Variants in BIN3 observed in about 807,000 individuals in gnomAD.
The protein encoded by BIN3 is bridging integrator 3.
BIN3 carries 41 observed loss-of-function variants against 38.2 expected under a neutral mutation model. The ratio of observed to expected loss-of-function variants is 1.07; its 90% CI spans 0.84 to 1.39. The LOEUF (loss-of-function observed/expected upper bound fraction) is 1.39, where lower values mean the gene tolerates loss of function less well. BIN3 is among the 40% of genes most tolerant of loss of function. The pLI is 0.00. For synonymous variants in BIN3, 145 were observed against 122.6 expected, an observed-to-expected ratio of 1.18 and a Z score of -1.21; for missense variants, 361 against 324.3, an observed-to-expected ratio of 1.11 and a Z score of -0.87.
Position 22,623,943 on chromosome 8 carries a change from G to C in BIN3, c.587C>G (p.Pro196Arg). The C allele has an allele frequency of 6.2e-7, 1 of 1,611,960 alleles. No homozygotes were observed. Among genetic ancestry groups the C allele is most frequent in the South Asian group, 1.1e-5 (1 of 90,814 alleles). ...AGCTCGGATGAGGGACTCAAAGCTG[G>C]GCTGGAAGTAGTCGAGGCGGCTGCC... ...FYGSRLDYFQPSFESLIRAQV... is the reference protein window; with the variant it reads ...FYGSRLDYFQRSFESLIRAQV... The change falls in exon 8 of 9, where the codon CCC (proline) becomes CGC (arginine). Residue 196 changes from proline to arginine, a missense_variant. Coordinates refer to ENST00000276416, the MANE Select transcript of BIN3 (RefSeq NM_018688.6).
Position 22,621,472 on chromosome 8 carries a change from C to CG in BIN3, c.711dup (p.Glu238ArgfsTer6). On this transcript the variant is annotated frameshift_variant, in exon 9 of 9. Transcript: ENST00000276416. LOFTEE classifies it high-confidence loss of function. ...GCCCGGAGCTCACTGAGTTTGGCCT[C>CG]GTTCTCCCGCTCCCGCTGCTCATCG... 1.2e-6 allele frequency: 2 copies of CG among 1,613,852 alleles called. No individual in the cohort carries two copies. The highest frequency in any genetic ancestry group is 1.7e-6 in the Non-Finnish European group (2 of 1,179,878).
chr8:22,636,501 T>C, intron 4 of BIN3, 24 bp downstream of exon 4: 1 of 1,551,088 alleles, frequency 6.4e-7, no homozygotes, highest in Middle Eastern at 1.7e-4. Flanking sequence ...CTCAAGCGAG[T>C]GGTGCGGGTG....
intron 4 of BIN3, 150 bp downstream of exon 4, chr8:22,636,375 A>C: frequency 1.3e-6 from 1 of 742,758 alleles, no homozygotes; most frequent in Non-Finnish European, 2.2e-6. Flanking sequence ...GTGACTGGTG[A>C]GGAGTGACTG....
At chr8:22,641,973 C>T (rs1054006612) in intron 2 of BIN3, among the ~76,000 whole-genome samples, 2 of 152,100 alleles carry the variant, frequency 1.3e-5, no homozygotes, top group African/African-American at 4.8e-5. Context: ...GCTTTTGTTC[C>T]TCCATCTCAG....
chr8:22,630,335 A>G, intron 5 of BIN3, 107 bp downstream of exon 5: 2 of 1,462,926 alleles, frequency 1.4e-6, no homozygotes, highest in South Asian at 1.3e-5. Context: ...GAGGGCTTAG[A>G]GCCCTGAGAG....
intron 2 of BIN3, 131 bp downstream of exon 2, chr8:22,644,624 G>C (rs952903442): frequency 1.2e-6 from 1 of 813,948 alleles, no homozygotes; most frequent in East Asian, 2.8e-5. Context: ...TTCTAGATCC[G>C]CATAAGCAGG....
chr8:22,649,258 T>C (rs1253803088), intron 1 of BIN3, among the ~76,000 whole-genome samples: 1 of 152,190 alleles, frequency 6.6e-6, no homozygotes, highest in Non-Finnish European at 1.5e-5. Context: ...CCCACCTATA[T>C]GGAATGCTTT....
intron 1 of BIN3, among the ~76,000 whole-genome samples, chr8:22,649,358 G>C (rs1261739575): frequency 7.1e-6 from 1 of 140,312 alleles, no homozygotes; most frequent in African/African-American, 2.5e-5. Context: ...GTTAATTACA[G>C]TTTATCTCCT....
At chr8:22,644,969 G>T in intron 1 of BIN3, 166 bp from the exon 2 acceptor site, 1 of 604,620 alleles carries the variant, frequency 1.7e-6, no homozygotes, top group South Asian at 1.8e-5. Flanking sequence ...TTGGCATCTG[G>T]GCTTGGTTCT....
At chr8:22,626,806 T>C (rs1050479641) in intron 6 of BIN3, among the ~76,000 whole-genome samples, 1 of 152,202 alleles carries the variant, frequency 6.6e-6, no homozygotes, top group Non-Finnish European at 1.5e-5. Context: ...TCCAGCAGCC[T>C]GACCCCCCAA....
At chr8:22,659,210 C>T (rs1421729015) in intron 1 of BIN3, among the ~76,000 whole-genome samples, 2 of 152,244 alleles carry the variant, frequency 1.3e-5, no homozygotes, top group Admixed American at 6.5e-5. Flanking sequence ...GCGGAGACCC[C>T]AGGAAAGAGG....
At chr8:22,637,670 C>T (rs886704516) in intron 2 of BIN3, among the ~76,000 whole-genome samples, 1 of 152,188 alleles carries the variant, frequency 6.6e-6, no homozygotes, top group Non-Finnish European at 1.5e-5. Context: ...TCTTCTGGTG[C>T]CTTGACTTCA....
chr8:22,644,723 G>A (rs1177925753), intron 2 of BIN3, 32 bp downstream of exon 2: 1 of 1,603,222 alleles, frequency 6.2e-7, no homozygotes, highest in Non-Finnish European at 8.5e-7. Flanking sequence ...ATACAGAACT[G>A]AATCTCACAG....
intron 4 of BIN3, among the ~76,000 whole-genome samples, chr8:22,633,020 T>C (rs760667154): frequency 2.0e-5 from 3 of 152,202 alleles, no homozygotes; most frequent in Non-Finnish European, 4.4e-5. Flanking sequence ...AGCTGCATTT[T>C]CCCCTTTCTT....
At chr8:22,626,885 A>G (rs1266469154) in intron 6 of BIN3, among the ~76,000 whole-genome samples, 1 of 152,172 alleles carries the variant, frequency 6.6e-6, no homozygotes, top group East Asian at 1.9e-4. Flanking sequence ...TTCCTGTGCC[A>G]GAGTCAGAGC....
chr8:22,661,352 C>T (rs78354062), intron 1 of BIN3, among the ~76,000 whole-genome samples: 252 of 84,320 alleles, frequency 3.0e-3, no homozygotes, highest in African/African-American at 4.0e-3. Flanking sequence ...ATGTATCATT[C>T]TTTTTTTTTT....
chr8:22,630,609 T>C (rs756718303), intron 4 of BIN3, 31 bp from the exon 5 acceptor site: 6 of 1,612,306 alleles, frequency 3.7e-6, no homozygotes, highest in South Asian at 2.2e-5. Context: ...GTGAACCTTC[T>C]ATGAAGGGGC....
At chr8:22,652,993 T>G (rs1278280473) in intron 1 of BIN3, among the ~76,000 whole-genome samples, 1 of 152,244 alleles carries the variant, frequency 6.6e-6, no homozygotes, top group Non-Finnish European at 1.5e-5. Flanking sequence ...TTTTTCAGCT[T>G]ACTGGTAATA....
At position 22,636,571 on chromosome 8, in the gene BIN3, G is replaced by T. The variant is rs1802373931; in HGVS notation, c.114C>A (p.Thr38=). 6.4e-7 allele frequency: 1 copy of T among 1,552,374 alleles called. No individual in the cohort carries two copies. The highest frequency in any genetic ancestry group is 1.4e-5 in the African/African-American group (1 of 73,212). ...YGKLQQLEEQ[T]RRLQKDMKKS... is the part of the protein sequence containing the mutation. The stretch of plus-strand genomic sequence containing the variant: ...TCTTCATGTCTTTCTGCAGCCTCCG[G>T]GTCTGCTCTTCCAGCCTGCAAGGCA... The change falls in exon 4 of 9, where the codon ACC becomes ACA. Residue 38 remains threonine, a synonymous_variant. Transcript: ENST00000276416.
Sources: gnomAD v4.1 joint callset for allele counts (sites outside exome capture counted in the v4.1 genomes callset) on GRCh38, gnomAD v4.1.1 for gene constraint, MANE v1.5 for transcripts, NCBI Gene and HGNC (gene_info 2026-07-23, HGNC 2026-07-21) for gene names.